Variants in OSMR observed in about 807,000 individuals in gnomAD.
OSMR encodes oncostatin-M-specific receptor subunit beta.
OSMR carries 81 observed loss-of-function variants against 99.9 expected under a neutral mutation model. The observed-to-expected ratio is 0.81, with a 90% CI of 0.68 to 0.97. OSMR has a LOEUF of 0.97. Ranked by LOEUF, OSMR falls within the 50% of genes least tolerant of loss-of-function variation. The probability of loss-of-function intolerance (pLI) is 0.00; values close to 1 mark genes in which losing one functional copy is unlikely to be tolerated. For synonymous variants in OSMR, 406 were observed against 410.4 expected (o/e 0.99, Z 0.13); for missense variants, 1,099 against 1,153.4 (o/e 0.95, Z 0.68).
chr5:38,943,056 G>A, intron 1 of OSMR: 2 of 955,304 alleles, frequency 2.1e-6, no homozygotes, highest in Non-Finnish European at 3.2e-6. Context: ...TTTAAAAATA[G>A]ATTTCCCTAC....
intron 1 of OSMR, among the ~76,000 whole-genome samples, chr5:38,852,329 A>G (rs1740438644): frequency 6.6e-6 from 1 of 152,214 alleles, no homozygotes; most frequent in Non-Finnish European, 1.5e-5. Context: ...AGAATTACAG[A>G]ATGATTTCTG....
At chr5:38,875,625 GAGCT>G (rs1320839306) in intron 2 of OSMR, among the ~76,000 whole-genome samples, 2 of 152,010 alleles carry the variant, frequency 1.3e-5, no homozygotes, top group Non-Finnish European at 2.9e-5. Flanking sequence ...TTCCTTCTTT[GAGCT>G]AGGAACCTTG....
chr5:38,850,715 GT>G (rs1237690546), intron 1 of OSMR, among the ~76,000 whole-genome samples: 4 of 152,198 alleles, frequency 2.6e-5, no homozygotes, highest in African/African-American at 9.6e-5. Flanking sequence ...TTGTTCATGT[GT>G]AATGCCAGCT....
At chr5:38,876,118 A>G in intron 2 of OSMR, 83 bp from the exon 3 acceptor site, 1 of 1,568,794 alleles carries the variant, frequency 6.4e-7, no homozygotes, top group Admixed American at 1.8e-5. Context: ...CTAAATAATG[A>G]TGATATTCAA....
chr5:38,864,930 GTTC>G (rs1741822768), intron 1 of OSMR, among the ~76,000 whole-genome samples: 1 of 152,132 alleles, frequency 6.6e-6, no homozygotes, highest in African/African-American at 2.4e-5. Flanking sequence ...CTTCATTTAA[GTTC>G]TTCTCTCTGT....
intron 7 of OSMR, among the ~76,000 whole-genome samples, chr5:38,889,982 C>T (rs1744044632): frequency 6.6e-6 from 1 of 152,188 alleles, no homozygotes; most frequent in African/African-American, 2.4e-5. Flanking sequence ...TTTAACTTAA[C>T]ATTGCAGTGC....
At chr5:38,918,173 C>T (rs761420835) in intron 10 of OSMR, among the ~76,000 whole-genome samples, 11 of 151,786 alleles carry the variant, frequency 7.2e-5, no homozygotes, top group Non-Finnish European at 1.3e-4. Context: ...TGGCACACTC[C>T]GCAAGAATCT....
rs962571105 is a variant in OSMR, at chr5:38,905,373, C to T, written c.1285+870C>T. On this transcript the variant is annotated intron_variant, in intron 9 of 17. Transcript: ENST00000274276. ...GCGTGGTGGCACACGCCTGTAATCC[C>T]AGCTACTCGGGAGGCTGAGGCAGGA... Among the ~76,000 whole-genome samples the T allele has an allele frequency of 1.2e-4, 19 of 152,200 alleles. 1 individual carries two copies. In the Middle Eastern group the frequency reaches 0.01, roughly 82 times the overall value.
intron 1 of OSMR, among the ~76,000 whole-genome samples, chr5:38,863,192 AGAGGGGGAGGGGGAGGGGGAGGGG>A (rs1247498132): frequency 1.3e-4 from 1 of 7,720 alleles, no homozygotes; most frequent in African/African-American, 4.9e-4. Context: ...AGGGAGAGGG[AGAGGGGGAGGGGGAGGGGGAGGGG>A]GAGGGGGAGA....
rs1413274431 is a variant in OSMR at position 38,924,417 on chromosome 5, C to T, written c.1871-5C>T. ...CTTTTCTCTTATCCCAACTTCTTTT[C>T]CTAGCTCCTTCAGACAACCCTCACG... On this transcript the variant is annotated splice_region_variant and splice_polypyrimidine_tract_variant and intron_variant, in intron 13 of 17. Transcript: ENST00000274276. 1.2e-6 allele frequency: 2 copies of T among 1,614,090 alleles called. No homozygotes were observed. The highest frequency in any genetic ancestry group is 3.3e-5 in the Admixed American group (2 of 60,014).
intron 2 of OSMR, among the ~76,000 whole-genome samples, chr5:38,874,204 T>G (rs565983615): frequency 6.6e-6 from 1 of 152,348 alleles, no homozygotes; most frequent in Admixed American, 6.5e-5. Context: ...TGTTATTTGA[T>G]GCACAAACTT....
At chr5:38,869,943 G>T (rs1742253104) in intron 2 of OSMR, among the ~76,000 whole-genome samples, 1 of 152,012 alleles carries the variant, frequency 6.6e-6, no homozygotes, top group South Asian at 2.1e-4. Context: ...TATCCATGCA[G>T]TTCCTGTCCA....
chr5:38,852,296 C>T (rs1041032115), intron 1 of OSMR, among the ~76,000 whole-genome samples: 2 of 152,136 alleles, frequency 1.3e-5, no homozygotes, highest in African/African-American at 4.8e-5. Flanking sequence ...TGTCTATCAT[C>T]TGTAGGGCAA....
chr5:38,881,410 T>G, intron 3 of OSMR, 183 bp from the exon 4 acceptor site: 1 of 893,744 alleles, frequency 1.1e-6, no homozygotes, highest in Non-Finnish European at 1.3e-6. Context: ...AGGCAGGAGG[T>G]CATAGCTGGC....
chr5:38,919,343 A>C, intron 11 of OSMR: 2 of 1,384,954 alleles, frequency 1.4e-6, no homozygotes, highest in Non-Finnish European at 1.9e-6. Flanking sequence ...AAGTAACTGC[A>C]ACCCTAACAA....
intron 11 of OSMR, among the ~76,000 whole-genome samples, chr5:38,920,799 A>G (rs1449469058): frequency 6.6e-6 from 1 of 152,208 alleles, no homozygotes; most frequent in Non-Finnish European, 1.5e-5. Context: ...GTTAAGGTAT[A>G]TCCCTGTTGG....
At chr5:38,895,645 T>C (rs2112481997) in intron 7 of OSMR, among the ~76,000 whole-genome samples, 1 of 152,248 alleles carries the variant, frequency 6.6e-6, no homozygotes, top group South Asian at 2.1e-4. Context: ...CTTTTTAACT[T>C]AATGAGATTC....
At chr5:38,945,023 T>C (rs1295734865) in exon 3 of OSMR, 1 of 1,611,884 alleles carries the variant, frequency 6.2e-7, no homozygotes. Flanking sequence ...TAAAGGATTA[T>C]GGATAGTCTG....
intron 2 of OSMR, 143 bp downstream of exon 2, chr5:38,869,260 A>C: frequency 1.3e-6 from 1 of 772,070 alleles, no homozygotes; most frequent in Non-Finnish European, 2.3e-6. Context: ...GAGATTTGTC[A>C]ATCTCTCTAA....
Sources: gnomAD v4.1 joint callset for allele counts (sites outside exome capture counted in the v4.1 genomes callset) on GRCh38, gnomAD v4.1.1 for gene constraint, MANE v1.5 for transcripts, NCBI Gene and HGNC (gene_info 2026-07-23, HGNC 2026-07-21) for gene names.